Variants in IGSF10 observed in about 807,000 individuals in gnomAD.
The protein encoded by IGSF10 is immunoglobulin superfamily member 10.
A neutral mutation model predicts 128.2 loss-of-function variants in IGSF10; 126 were observed. The observed-to-expected ratio is 0.98, with a 90% confidence interval of 0.85 to 1.14. The LOEUF is 1.14. Among genes scored for constraint, IGSF10 ranks in the 50% most tolerant of loss-of-function variants. IGSF10 has a pLI of 0.00. For missense variants in IGSF10, 3,295 were observed against 3,149.8 expected (o/e 1.05, Z -1.10); for synonymous variants, 1,185 against 1,146.2 (o/e 1.03, Z -0.68).
In IGSF10 at chr3:151,446,698, C is replaced by G. The variant is rs374677659; in HGVS notation, c.3283G>C (p.Ala1095Pro). Residue 1095 changes from alanine (A) to proline (P), a missense_variant, in exon 6 of 8, where the codon GCT becomes CCT. By Grantham distance (27) the Ala-to-Pro change is conservative. Coordinates refer to ENST00000282466, the MANE Select transcript of IGSF10 (RefSeq NM_178822.5). ...APITFPKADI[A>P]RVPSEESTTL... Reference sequence around the variant, plus strand: ...GTAGACTCTTCTGATGGGACTCTAGCAATGTCAGCTTTGGGGAAGGTGATG... The same window carrying G: ...GTAGACTCTTCTGATGGGACTCTAGGAATGTCAGCTTTGGGGAAGGTGATG... 51 of 1,613,996 alleles carry G rather than the reference C, an allele frequency of 3.2e-5. No homozygotes were observed. In the Admixed American group the frequency reaches 8.5e-4, roughly 27 times the overall value.
the IGSF10 span, among the ~76,000 whole-genome samples, chr3:151,508,027 A>C: frequency 6.6e-6 from 1 of 152,276 alleles, no homozygotes; most frequent in African/African-American, 2.4e-5. Flanking sequence ...ACTAATATAA[A>C]ACAGTTCAAA....
chr3:151,441,475 C>A (rs1168919458), intron 7 of IGSF10, among the ~76,000 whole-genome samples: 3 of 152,056 alleles, frequency 2.0e-5, no homozygotes, highest in Non-Finnish European at 4.4e-5. Flanking sequence ...TACTTTTGAA[C>A]TAAAGATCAC....
At chr3:151,604,165 C>T in the IGSF10 span, among the ~76,000 whole-genome samples, 1 of 151,918 alleles carries the variant, frequency 6.6e-6, no homozygotes, top group African/African-American at 2.4e-5. Context: ...TATCTAAACA[C>T]AAAGATGATT....
chr3:151,452,110 C>T (rs9877298), intron 5 of IGSF10, among the ~76,000 whole-genome samples: 116,216 of 152,064 alleles, frequency 0.76, 44,569 homozygotes, highest in Middle Eastern at 0.96. Flanking sequence ...CCATGGGTCT[C>T]GTAAAAATTA....
the IGSF10 span, among the ~76,000 whole-genome samples, chr3:151,482,938 A>G: frequency 6.6e-6 from 1 of 152,148 alleles, no homozygotes; most frequent in East Asian, 1.9e-4. Flanking sequence ...CTGGCCAAGA[A>G]TATTATGCTT....
Position 151,445,502 on chromosome 3 carries a change from G to A in IGSF10, c.4479C>T (p.Pro1493=), listed in dbSNP as rs374188856. 4 of 1,614,022 alleles carry A rather than the reference G, an allele frequency of 2.5e-6. No homozygotes were observed. The African/African-American group carries it at 5.3e-5, about 22-fold the overall frequency. Reference sequence around the variant, plus strand: ...CTGTATTTGTCATAAGCCCGGAAATGGGAGTCGCCACGTTGTCAGTAACTG... The same window carrying A: ...CTGTATTTGTCATAAGCCCGGAAATAGGAGTCGCCACGTTGTCAGTAACTG... ...QRAVTDNVAT[P]ISGLMTNTVV... The change falls in exon 6 of 8, where the codon CCC becomes CCT. Residue 1493 remains proline (P), a synonymous_variant. Transcript: ENST00000282466.
At chr3:151,555,269 A>T in the IGSF10 span, among the ~76,000 whole-genome samples, 2 of 152,124 alleles carry the variant, frequency 1.3e-5, no homozygotes, top group Non-Finnish European at 2.9e-5. Context: ...AAAATGGTCA[A>T]CTATCTTTTA....
intron 5 of IGSF10, among the ~76,000 whole-genome samples, chr3:151,449,848 A>G (rs564540665): frequency 6.6e-6 from 1 of 152,336 alleles, no homozygotes; most frequent in Admixed American, 6.5e-5. Context: ...AGATGGATGC[A>G]GGAGACAATG....
At chr3:151,584,573 TGC>T in the IGSF10 span, among the ~76,000 whole-genome samples, 9 of 152,218 alleles carry the variant, frequency 5.9e-5, no homozygotes, top group East Asian at 1.7e-3. Flanking sequence ...GTGATGTGGA[TGC>T]ACATGATTTA....
chr3:151,513,842 C>T, the IGSF10 span, among the ~76,000 whole-genome samples: 14 of 151,630 alleles, frequency 9.2e-5, no homozygotes, highest in African/African-American at 3.4e-4. Context: ...CAAACAGAGA[C>T]CAAAATCATG....
Position 151,449,205 on chromosome 3 carries a change from A to G in IGSF10, c.776T>C (p.Met259Thr), listed in dbSNP as rs1721391151. The G allele has an allele frequency of 1.2e-6, 2 of 1,614,050 alleles. No individual in the cohort carries two copies. The highest frequency in any genetic ancestry group is 1.7e-6 in the Non-Finnish European group (2 of 1,179,986). Residue 259 changes from methionine to threonine, a missense_variant, in exon 6 of 8, where the codon ATG becomes ACG. By Grantham distance (81) the Met-to-Thr change is moderately conservative (BLOSUM62 -1). Transcript: ENST00000282466. ...CTTGCCTTTAGAAGTCCTAGGGTTC[A>G]TGCAAAGTGGACACTGCTGAGCACT... is the stretch of plus-strand genomic sequence containing the variant. ...PSSAQQCPLCMNPRTSKGKPL... is the reference protein window; with the variant it reads ...PSSAQQCPLCTNPRTSKGKPL...
At chr3:151,463,530 T>TTTTTTGTTTTTTTTTG (rs1560185459), upstream of IGSF10, among the ~76,000 whole-genome samples, 5 of 60,280 alleles carry the variant, frequency 8.3e-5, no homozygotes, top group Non-Finnish European at 9.1e-5. Flanking sequence ...CTGGTTTTTT[T>TTTTTTGTTTTTTTTTG]TTTTTTTTTT....
At chr3:151,612,256 G>C in the IGSF10 span, among the ~76,000 whole-genome samples, 1 of 152,072 alleles carries the variant, frequency 6.6e-6, no homozygotes, top group Non-Finnish European at 1.5e-5. Context: ...AAAATGAATT[G>C]AAAAACATTT....
At chr3:151,451,469 G>A (rs1721505895) in intron 5 of IGSF10, among the ~76,000 whole-genome samples, 1 of 152,150 alleles carries the variant, frequency 6.6e-6, no homozygotes, top group African/African-American at 2.4e-5. Context: ...CCTGGCCAAT[G>A]GATGCTCAGG....
chr3:151,559,995 T>TAGTGC, the IGSF10 span, among the ~76,000 whole-genome samples: 3 of 152,096 alleles, frequency 2.0e-5, no homozygotes, highest in Admixed American at 6.6e-5. Context: ...GGAGATGGTG[T>TAGTGC]AGTGCTTAGA....
chr3:151,598,307 A>G, the IGSF10 span, among the ~76,000 whole-genome samples: 4 of 152,292 alleles, frequency 2.6e-5, no homozygotes, highest in Admixed American at 2.6e-4. Context: ...AATGTTTGTG[A>G]GCAAGTTTTA....
chr3:151,509,640 GGTGCAGCGCACC>G, the IGSF10 span, among the ~76,000 whole-genome samples: 2 of 152,212 alleles, frequency 1.3e-5, no homozygotes, highest in Admixed American at 6.5e-5. Context: ...CAGGACAGCG[GGTGCAGCGCACC>G]GTGCATGAGC....
chr3:151,493,325 T>A, the IGSF10 span, among the ~76,000 whole-genome samples: 2 of 152,212 alleles, frequency 1.3e-5, no homozygotes, highest in Non-Finnish European at 2.9e-5. Flanking sequence ...AATATATTAG[T>A]TTGCTTCACT....
chr3:151,535,982 G>A, the IGSF10 span, among the ~76,000 whole-genome samples: 2 of 152,114 alleles, frequency 1.3e-5, no homozygotes, highest in African/African-American at 4.8e-5. Context: ...TACTTTCAGG[G>A]GCAGACTTTC....
Sources: allele counts gnomAD v4.1 joint callset (sites outside exome capture counted in the v4.1 genomes callset), GRCh38; gene constraint gnomAD v4.1.1; transcripts MANE v1.5; gene names NCBI Gene and HGNC (gene_info 2026-07-23, HGNC 2026-07-21).